KL: variants seen among roughly 807,000 people sequenced by gnomAD.
KL encodes the protein alpha-klotho.
In KL, 62 loss-of-function variants were observed where a neutral mutation model predicts 84.2. The ratio of observed to expected loss-of-function variants is 0.74; its 90% CI spans 0.60 to 0.91. The LOEUF (loss-of-function observed/expected upper bound fraction) is 0.91. Among genes scored for constraint, KL ranks in the 40% least tolerant of loss-of-function variants. The probability of loss-of-function intolerance (pLI) is 0.00; values close to 1 mark genes in which losing one functional copy is unlikely to be tolerated. For missense variants in KL, 1,261 were observed against 1,305.7 expected (o/e 0.97, Z 0.53); for synonymous variants, 528 against 528.0 (o/e 1.00, Z 0.00).
intron 3 of KL, 72 bp from the exon 4 acceptor site, chr13:33,060,607 C>T: frequency 6.4e-7 from 1 of 1,568,808 alleles, no homozygotes; most frequent in Non-Finnish European, 8.8e-7. Context: ...GCTAGTTTTG[C>T]TGAAATAATT....
intron 1 of KL, among the ~76,000 whole-genome samples, chr13:33,038,570 A>G (rs1871223302): frequency 6.6e-6 from 1 of 152,236 alleles, no homozygotes; most frequent in South Asian, 2.1e-4. Context: ...GGTGGAGAAT[A>G]ATTTAATCAA....
intron 1 of KL, among the ~76,000 whole-genome samples, chr13:33,044,716 T>A (rs1400908493): frequency 7.4e-6 from 1 of 135,678 alleles, no homozygotes; most frequent in East Asian, 2.5e-4. Context: ...AGTGGCGTGA[T>A]CAGCACTCAC....
rs953976906 is a variant in KL at position 33,064,999 on chromosome 13, G to A, written c.*813G>A. 3.9e-4 allele frequency: 90 copies of A among 228,030 alleles called. No homozygotes were observed. The Admixed American group carries it at 5.0e-3, about 13-fold the overall frequency. The allele number at this position is 228,030 out of a possible 1,614,324, so 14.1% of individuals were successfully genotyped here. A position where few individuals can be genotyped will look rare whatever the true frequency, so the allele number is the denominator to read the frequency against. ...CAATTGTGAAATACAGTATACCGCA[G>A]TGGCTCTAGGTGGAGGAAAGGAGGA... On this transcript the variant is annotated 3_prime_UTR_variant, in exon 5 of 5. Coordinates refer to ENST00000380099, the MANE Select transcript of KL (RefSeq NM_004795.4).
At chr13:33,058,337 CT>C (rs111566246) in intron 3 of KL, among the ~76,000 whole-genome samples, 684 of 136,864 alleles carry the variant, frequency 5.0e-3, no homozygotes, top group Middle Eastern at 0.011. Flanking sequence ...CCTGTATTTT[CT>C]TTTTTTTTTT....
chr13:33,033,153 T>C (rs1273284366), intron 1 of KL, among the ~76,000 whole-genome samples: 1 of 152,216 alleles, frequency 6.6e-6, no homozygotes, highest in African/African-American at 2.4e-5. Flanking sequence ...TTTTTCTTCC[T>C]TCACAATTCT....
rs536996618 is a variant in KL, at chr13:33,022,544, A to C, written c.819+5285A>C. 5.3e-5 allele frequency among the ~76,000 whole-genome samples: 8 copies of C among 152,340 alleles called. No individual in the cohort carries two copies. In the East Asian group the frequency reaches 1.5e-3, roughly 29 times the overall value. On this transcript the variant is annotated intron_variant, in intron 1 of 4. Coordinates refer to ENST00000380099, the MANE Select transcript of KL (RefSeq NM_004795.4). ...ATACTTGAAATCTATATTTAAACAG[A>C]TAAGCAGAATGTGACTTTTATATGC...
chr13:33,040,126 G>A (rs57205547), intron 1 of KL, among the ~76,000 whole-genome samples: 5,535 of 152,282 alleles, frequency 0.036, 334 homozygotes, highest in African/African-American at 0.13. Context: ...GGATAAAGTT[G>A]TAGATAGTTA....
intron 1 of KL, among the ~76,000 whole-genome samples, chr13:33,046,080 A>T (rs920731608): frequency 6.6e-6 from 1 of 152,214 alleles, no homozygotes; most frequent in Non-Finnish European, 1.5e-5. Flanking sequence ...ATCTATATTC[A>T]TAAGGGATAT....
chr13:33,045,542 G>A (rs754765021), intron 1 of KL, among the ~76,000 whole-genome samples: 3 of 152,106 alleles, frequency 2.0e-5, no homozygotes, highest in African/African-American at 7.2e-5. Flanking sequence ...GTGCAGTGGC[G>A]TGATCTCGGC....
At chr13:33,059,294 T>G (rs953678129) in intron 3 of KL, among the ~76,000 whole-genome samples, 4 of 152,202 alleles carry the variant, frequency 2.6e-5, no homozygotes, top group African/African-American at 9.7e-5. Flanking sequence ...TCCTAAATAC[T>G]TTTTTTAAAT....
rs1283257492 is a variant in KL, at chr13:33,064,124, T to C, written c.2977T>C (p.Ser993Pro). ...TTTCATAGCTTTTCTATTTTTTGCT[T>C]CTATTATTTCTCTCTCCCTTATATT... ...LAFIAFLFFA[S>P]IISLSLIFYY... is the part of the protein sequence containing the mutation. The change falls in exon 5 of 5, where the codon TCT (serine) becomes CCT (proline). Residue 993 changes from serine to proline, a missense_variant. By Grantham distance (74) the Ser-to-Pro change is moderately conservative. Coordinates refer to ENST00000380099, the MANE Select transcript of KL (RefSeq NM_004795.4). 1 of 1,613,620 alleles carries C rather than the reference T, an allele frequency of 6.2e-7. No individual in the cohort carries two copies. Among genetic ancestry groups the C allele is most frequent in the South Asian group, 1.1e-5 (1 of 90,942 alleles).
At chr13:33,029,945 T>C (rs1271049854) in intron 1 of KL, among the ~76,000 whole-genome samples, 1 of 152,048 alleles carries the variant, frequency 6.6e-6, no homozygotes, top group East Asian at 1.9e-4. Flanking sequence ...ATTTTTTTTT[T>C]TTTTAAAGGA....
intron 3 of KL, among the ~76,000 whole-genome samples, chr13:33,058,491 C>T (rs1018665369): frequency 6.6e-6 from 1 of 152,120 alleles, no homozygotes; most frequent in Middle Eastern, 3.4e-3. Context: ...CAGGTGCCCG[C>T]CACCGCACCC....
chr13:33,033,441 C>T (rs938199581), intron 1 of KL, among the ~76,000 whole-genome samples: 5 of 152,196 alleles, frequency 3.3e-5, no homozygotes, highest in African/African-American at 1.2e-4. Flanking sequence ...GGTGTTTCAA[C>T]ACATTTTGTC....
At chr13:33,056,639 CAAAA>C (rs57452305) in intron 3 of KL, among the ~76,000 whole-genome samples, 12,509 of 144,438 alleles carry the variant, frequency 0.087, 557 homozygotes, top group African/African-American at 0.12. Flanking sequence ...ACTAAAAATA[CAAAA>C]AAAAAAAAAA....
intron 1 of KL, among the ~76,000 whole-genome samples, chr13:33,029,351 A>G (rs1870888504): frequency 1.3e-5 from 2 of 152,224 alleles, no homozygotes; most frequent in South Asian, 4.1e-4. Flanking sequence ...GATCTGTCCC[A>G]TGAATCAATG....
chr13:33,061,311 G>C lies in KL; in HGVS notation c.2232G>C (p.Lys744Asn). 6.2e-7 allele frequency: 1 copy of C among 1,614,200 alleles called. No individual in the cohort carries two copies. The highest frequency in any genetic ancestry group is 8.5e-7 in the Non-Finnish European group (1 of 1,180,028). Residue 744 changes from lysine (K) to asparagine (N), a missense_variant, in exon 4 of 5, where the codon AAG becomes AAC. Physicochemically the swap from Lys to Asn is moderately conservative, Grantham distance 94. Transcript: ENST00000380099. Reference protein sequence around the residue: ...WIEPACPFSQKDKEVAERVLE... With the variant: ...WIEPACPFSQNDKEVAERVLE... ...AACCTGCCTGCCCTTTCTCCCAAAA[G>C]GACAAAGAGGTGGCTGAGAGAGTTT...
At chr13:33,021,071 A>G (rs2138189321) in intron 1 of KL, among the ~76,000 whole-genome samples, 1 of 152,178 alleles carries the variant, frequency 6.6e-6, no homozygotes, top group South Asian at 2.1e-4. Flanking sequence ...ATCTGGGGTA[A>G]TCCTGTTCCC....
At chr13:33,026,264 A>G (rs1031749204) in intron 1 of KL, among the ~76,000 whole-genome samples, 2 of 152,184 alleles carry the variant, frequency 1.3e-5, no homozygotes, top group African/African-American at 4.8e-5. Flanking sequence ...GCCAAACCCC[A>G]TTAACTCACA....
Sources: gnomAD v4.1 joint callset for allele counts (sites outside exome capture counted in the v4.1 genomes callset) on GRCh38, gnomAD v4.1.1 for gene constraint, MANE v1.5 for transcripts, NCBI Gene and HGNC (gene_info 2026-07-23, HGNC 2026-07-21) for gene names.